The following GALNT1 variants were observed in gnomAD, a reference collection of about 807,000 sequenced individuals.
The protein encoded by GALNT1 is polypeptide N-acetylgalactosaminyltransferase 1.
GALNT1 carries 17 observed loss-of-function variants against 65.7 expected under a neutral mutation model. The ratio of observed to expected loss-of-function variants is 0.26; its 90% confidence interval spans 0.18 to 0.39. The LOEUF is 0.39. GALNT1 is among the 10% of genes least tolerant of loss of function. The pLI, the probability that GALNT1 is intolerant of heterozygous loss-of-function variation, is 1.00. For synonymous variants in GALNT1, 210 were observed against 219.7 expected (o/e 0.96, Z 0.39); for missense variants, 460 against 672.8 (o/e 0.68, Z 3.50).
intron 1 of GALNT1, among the ~76,000 whole-genome samples, chr18:35,584,759 A>T (rs920426383): frequency 6.6e-6 from 1 of 152,174 alleles, no homozygotes; most frequent in Non-Finnish European, 1.5e-5. Context: ...CATATGTAAA[A>T]TTCACAGTAG....
At chr18:35,581,734 G>A (rs867561835), upstream of GALNT1, 2 of 52,720 alleles carry the variant, frequency 3.8e-5, no homozygotes, top group East Asian at 6.8e-4. Context: ...CGGGGGAGCC[G>A]CCGGCAGTGG....
At chr18:35,602,464 C>T (rs2046594184) in intron 1 of GALNT1, among the ~76,000 whole-genome samples, 2 of 152,082 alleles carry the variant, frequency 1.3e-5, no homozygotes, top group Non-Finnish European at 2.9e-5. Flanking sequence ...CCCCGTCTTT[C>T]TCAACTCCCA....
At chr18:35,643,260 T>G (rs2047188094) in intron 1 of GALNT1, among the ~76,000 whole-genome samples, 1 of 152,118 alleles carries the variant, frequency 6.6e-6, no homozygotes, top group African/African-American at 2.4e-5. Context: ...AGATGTTGCC[T>G]AAGACATGGC....
At chr18:35,623,620 C>T (rs1285747193) in intron 1 of GALNT1, among the ~76,000 whole-genome samples, 1 of 152,114 alleles carries the variant, frequency 6.6e-6, no homozygotes, top group Non-Finnish European at 1.5e-5. Flanking sequence ...CTTTCCTTTT[C>T]AGATGGGATA....
At chr18:35,695,753 T>C (rs2048045573) in intron 9 of GALNT1, among the ~76,000 whole-genome samples, 1 of 152,206 alleles carries the variant, frequency 6.6e-6, no homozygotes, top group Admixed American at 6.6e-5. Flanking sequence ...TCATTCTCAC[T>C]GATGCCTCAT....
chr18:35,683,345 T>TG (rs1476976581), intron 4 of GALNT1, 46 bp from the exon 5 acceptor site: 1 of 1,477,826 alleles, frequency 6.8e-7, no homozygotes, highest in African/African-American at 1.4e-5. Context: ...ATCTGAATAG[T>TG]GCCAGGCCAC....
intron 1 of GALNT1, among the ~76,000 whole-genome samples, chr18:35,603,310 G>A (rs2046604751): frequency 1.3e-5 from 2 of 152,112 alleles, no homozygotes; most frequent in Admixed American, 1.3e-4. Context: ...TGTGGGAGGG[G>A]TATTGTGGAG....
At chr18:35,607,290 C>T (rs1292054503) in intron 1 of GALNT1, among the ~76,000 whole-genome samples, 1 of 152,100 alleles carries the variant, frequency 6.6e-6, no homozygotes, top group East Asian at 1.9e-4. Flanking sequence ...AGAAGAGGCT[C>T]TTGGAGTGTT....
chr18:35,663,591 T>G, intron 2 of GALNT1, 37 bp from the exon 3 acceptor site: 3 of 1,562,304 alleles, frequency 1.9e-6, no homozygotes, highest in Non-Finnish European at 2.6e-6. Flanking sequence ...TCAATTGCTA[T>G]GAAATTAATG....
At chr18:35,667,820 C>T (rs554528572) in intron 3 of GALNT1, among the ~76,000 whole-genome samples, 5 of 152,264 alleles carry the variant, frequency 3.3e-5, no homozygotes, top group South Asian at 2.1e-4. Flanking sequence ...AAAGGCATAT[C>T]GTACCAATAT....
intron 2 of GALNT1, among the ~76,000 whole-genome samples, chr18:35,663,011 G>A (rs1021906035): frequency 2.0e-5 from 3 of 152,190 alleles, no homozygotes; most frequent in Admixed American, 6.5e-5. Flanking sequence ...AACCCTGAAT[G>A]AAATAATGTG....
At chr18:35,643,521 T>C (rs914213817) in intron 1 of GALNT1, among the ~76,000 whole-genome samples, 6 of 152,172 alleles carry the variant, frequency 3.9e-5, no homozygotes, top group African/African-American at 1.4e-4. Flanking sequence ...CCCAACACTT[T>C]GGGAGGCCGA....
At chr18:35,620,015 T>C (rs1252484438) in intron 1 of GALNT1, among the ~76,000 whole-genome samples, 1 of 152,214 alleles carries the variant, frequency 6.6e-6, no homozygotes, top group Non-Finnish European at 1.5e-5. Context: ...GCATTAGGTT[T>C]GGCAGCATCG....
At chr18:35,698,988 A>AAAAT (rs1444993772) in intron 9 of GALNT1, among the ~76,000 whole-genome samples, 1 of 151,914 alleles carries the variant, frequency 6.6e-6, no homozygotes, top group African/African-American at 2.4e-5. Context: ...TCTCAAAAAT[A>AAAAT]AAATAAATAA....
At chr18:35,705,095 C>T (rs2048234662) in intron 11 of GALNT1, among the ~76,000 whole-genome samples, 1 of 152,224 alleles carries the variant, frequency 6.6e-6, no homozygotes, top group Admixed American at 6.5e-5. Flanking sequence ...TCCCAAGTTA[C>T]TGACTTTGGC....
intron 3 of GALNT1, among the ~76,000 whole-genome samples, chr18:35,676,220 G>A (rs938927350): frequency 3.9e-5 from 6 of 152,072 alleles, no homozygotes; most frequent in African/African-American, 1.4e-4. Flanking sequence ...TGGATTTTCT[G>A]GATCAGTGGG....
At chr18:35,652,958 G>T (rs968658593) in intron 1 of GALNT1, among the ~76,000 whole-genome samples, 3 of 152,202 alleles carry the variant, frequency 2.0e-5, no homozygotes, top group African/African-American at 7.2e-5. Context: ...CTTTGCCAGT[G>T]ATCAAAAGAG....
intron 1 of GALNT1, among the ~76,000 whole-genome samples, chr18:35,619,718 C>T (rs183937465): frequency 3.7e-4 from 57 of 152,270 alleles, no homozygotes; most frequent in Middle Eastern, 3.4e-3. Flanking sequence ...TCAGTAGTGT[C>T]GTTGGCAAGC....
At chr18:35,646,042 A>T (rs1306218789) in intron 1 of GALNT1, among the ~76,000 whole-genome samples, 1 of 152,198 alleles carries the variant, frequency 6.6e-6, no homozygotes, top group Non-Finnish European at 1.5e-5. Context: ...TATGAAGAAA[A>T]GGGGCTTAAT....
Sources: gnomAD v4.1 joint callset for allele counts (sites outside exome capture counted in the v4.1 genomes callset) on GRCh38, gnomAD v4.1.1 for gene constraint, MANE v1.5 for transcripts, NCBI Gene and HGNC (gene_info 2026-07-23, HGNC 2026-07-21) for gene names.